LINGO2: variants seen among roughly 807,000 people sequenced by gnomAD.
The protein encoded by LINGO2 is leucine-rich repeat and immunoglobulin-like domain-containing nogo receptor-interacting protein 2.
In LINGO2, 14 loss-of-function variants were observed where a neutral mutation model predicts 30.6. That is an observed-to-expected ratio of 0.46 (90% CI 0.30 to 0.72). The LOEUF (loss-of-function observed/expected upper bound fraction) is 0.72, where lower values mean the gene tolerates loss of function less well. Among genes scored for constraint, LINGO2 ranks in the 30% least tolerant of loss-of-function variants. The pLI, the probability that LINGO2 is intolerant of heterozygous loss-of-function variation, is 0.07. For synonymous variants in LINGO2, 317 were observed against 288.5 expected, an observed-to-expected ratio of 1.10 and a Z score of -1.00; for missense variants, 729 against 751.7, an observed-to-expected ratio of 0.97 and a Z score of 0.35.
intron 4 of LINGO2, among the ~76,000 whole-genome samples, chr9:28,142,195 T>C (rs1827692387): frequency 6.6e-6 from 1 of 150,668 alleles, no homozygotes; most frequent in South Asian, 2.1e-4. Flanking sequence ...AGTTAAATAC[T>C]ATGCATTAGT....
the LINGO2 span, among the ~76,000 whole-genome samples, chr9:28,975,086 C>T: frequency 1.3e-5 from 2 of 152,082 alleles, no homozygotes; most frequent in Non-Finnish European, 2.9e-5. Context: ...CATAGTATGA[C>T]TTCCTTAACT....
the LINGO2 span, among the ~76,000 whole-genome samples, chr9:28,930,368 T>C: frequency 6.6e-6 from 1 of 152,192 alleles, no homozygotes; most frequent in African/African-American, 2.4e-5. The surrounding 1 kb of genome is among the most constrained non-coding windows in gnomAD (Gnocchi z 4.2). Flanking sequence ...ATGTTTCTTC[T>C]AGCAAAATGC....
At chr9:28,800,255 G>C in the LINGO2 span, among the ~76,000 whole-genome samples, 2 of 151,996 alleles carry the variant, frequency 1.3e-5, no homozygotes, top group African/African-American at 4.8e-5. Context: ...ATGTAAAAAT[G>C]TCTTCTGAGT....
At chr9:28,491,367 T>C (rs1826389220) in intron 1 of LINGO2, among the ~76,000 whole-genome samples, 1 of 152,146 alleles carries the variant, frequency 6.6e-6, no homozygotes, top group South Asian at 2.1e-4. Context: ...AGAAGGACCC[T>C]TGCCATTCCA....
chr9:28,349,976 C>T (rs919513946), intron 3 of LINGO2, among the ~76,000 whole-genome samples: 1 of 152,118 alleles, frequency 6.6e-6, no homozygotes, highest in Non-Finnish European at 1.5e-5. Flanking sequence ...ACCAGGCCTA[C>T]CTTAAAAGAG....
chr9:28,593,918 G>T (rs146767348), intron 1 of LINGO2, among the ~76,000 whole-genome samples: 1 of 151,932 alleles, frequency 6.6e-6, no homozygotes, highest in Non-Finnish European at 1.5e-5. Flanking sequence ...AATTGTAGGA[G>T]AATATGAATC....
chr9:28,367,650 T>TC (rs1820729593), intron 3 of LINGO2, among the ~76,000 whole-genome samples: 1 of 152,068 alleles, frequency 6.6e-6, no homozygotes, highest in Non-Finnish European at 1.5e-5. Context: ...ACTCTTTTTT[T>TC]CCCCTTTCTT....
chr9:28,859,445 T>G, the LINGO2 span, among the ~76,000 whole-genome samples: 6,556 of 152,164 alleles, frequency 0.043, 217 homozygotes, highest in Admixed American at 0.084. Flanking sequence ...AAATATGCAT[T>G]CAAATGAACT....
chr9:28,573,291 C>T (rs1823796272), intron 1 of LINGO2, among the ~76,000 whole-genome samples: 1 of 152,112 alleles, frequency 6.6e-6, no homozygotes, highest in South Asian at 2.1e-4. Context: ...CATGAAATTT[C>T]CTTCAGCTTT....
At chr9:28,149,261 G>A (rs1376724367) in intron 4 of LINGO2, 84 of 672,046 alleles carry the variant, frequency 1.2e-4, no homozygotes, top group African/African-American at 2.2e-4. Context: ...AGGCCCAGGC[G>A]GGCGGATCAG....
At chr9:28,283,567 T>G (rs1488094784) in intron 4 of LINGO2, among the ~76,000 whole-genome samples, 1 of 151,952 alleles carries the variant, frequency 6.6e-6, no homozygotes, top group Non-Finnish European at 1.5e-5. Flanking sequence ...TTTTAGAAAA[T>G]GAAAACCAGG....
At chr9:28,352,034 A>G (rs1481649106) in intron 3 of LINGO2, among the ~76,000 whole-genome samples, 1 of 151,118 alleles carries the variant, frequency 6.6e-6, no homozygotes, top group Non-Finnish European at 1.5e-5. Context: ...ACAAACCCAC[A>G]GCCAATATCA....
chr9:28,264,552 A>C (rs1287883476), intron 4 of LINGO2, among the ~76,000 whole-genome samples: 1 of 151,916 alleles, frequency 6.6e-6, no homozygotes, highest in African/African-American at 2.4e-5. Flanking sequence ...CCATGTTTGC[A>C]TGTCATCGGT....
At chr9:28,431,547 C>G (rs1482138427) in intron 2 of LINGO2, among the ~76,000 whole-genome samples, 7 of 152,104 alleles carry the variant, frequency 4.6e-5, no homozygotes, top group East Asian at 3.9e-4. Context: ...TTTCTAGCAC[C>G]ATGGCCCTTG....
chr9:28,995,797 A>T, the LINGO2 span, among the ~76,000 whole-genome samples: 3 of 151,646 alleles, frequency 2.0e-5, no homozygotes, highest in Non-Finnish European at 4.4e-5. Flanking sequence ...GCATGTTCTC[A>T]CTCATAGGTG....
intron 3 of LINGO2, among the ~76,000 whole-genome samples, chr9:28,363,887 G>A (rs555336785): frequency 1.2e-4 from 18 of 150,880 alleles, no homozygotes; most frequent in East Asian, 7.8e-4. Context: ...CATTACCTTT[G>A]TCTCCAAACA....
At chr9:28,856,752 G>T in the LINGO2 span, among the ~76,000 whole-genome samples, 966 of 152,020 alleles carry the variant, frequency 6.4e-3, 9 homozygotes, top group African/African-American at 0.022. Flanking sequence ...TTAAGGAGGA[G>T]AATAAAATAA....
At chr9:28,978,231 G>A in the LINGO2 span, among the ~76,000 whole-genome samples, 1 of 152,230 alleles carries the variant, frequency 6.6e-6, no homozygotes, top group Non-Finnish European at 1.5e-5. Context: ...ATTAGAATGA[G>A]TTATTAAGTT....
the LINGO2 span, among the ~76,000 whole-genome samples, chr9:28,813,632 C>G: frequency 6.6e-6 from 1 of 152,110 alleles, no homozygotes; most frequent in Non-Finnish European, 1.5e-5. Context: ...CAGAAAAGGC[C>G]TCTCCCTCAC....
Sources: gnomAD v4.1 joint callset for allele counts (sites outside exome capture counted in the v4.1 genomes callset) on GRCh38, gnomAD v4.1.1 for gene constraint, Gnocchi (gnomAD v3.1) non-coding constraint, MANE v1.5 for transcripts, NCBI Gene and HGNC (gene_info 2026-07-23, HGNC 2026-07-21) for gene names.